Variants in PRIM2 observed in about 807,000 individuals in gnomAD.
PRIM2 encodes DNA primase large subunit.
Under a neutral mutation model 67.3 loss-of-function variants are expected in PRIM2, and 39 were observed. That is an observed-to-expected ratio of 0.58 (90% CI 0.45 to 0.76). The LOEUF (loss-of-function observed/expected upper bound fraction) is 0.76, where lower values mean the gene tolerates loss of function less well. PRIM2 is among the 30% of genes least tolerant of loss of function. The pLI, the probability that PRIM2 is intolerant of heterozygous loss-of-function variation, is 0.00. For missense variants in PRIM2, 398 were observed against 598.7 expected (o/e 0.66, Z 3.50); for synonymous variants, 143 against 198.7 (o/e 0.72, Z 2.36).
At chr6:57,572,064 C>T (rs1270714235) in intron 10 of PRIM2, among the ~76,000 whole-genome samples, 1 of 152,180 alleles carries the variant, frequency 6.6e-6, no homozygotes, top group Non-Finnish European at 1.5e-5. Context: ...TCTCCAACTA[C>T]AATTTTTAAA....
At chr6:57,637,040 C>T (rs1344027435) in intron 13 of PRIM2, among the ~76,000 whole-genome samples, 4 of 152,138 alleles carry the variant, frequency 2.6e-5, no homozygotes, top group Non-Finnish European at 2.9e-5. Flanking sequence ...CCCTCTGGGA[C>T]GAAGCTTCCA....
At chr6:57,375,898 C>T (rs547447859) in intron 5 of PRIM2, among the ~76,000 whole-genome samples, 34 of 151,700 alleles carry the variant, frequency 2.2e-4, no homozygotes, top group African/African-American at 5.1e-4. Flanking sequence ...ATAGTAAGAC[C>T]GTGTCTCTAT....
intron 7 of PRIM2, among the ~76,000 whole-genome samples, chr6:57,429,658 G>A (rs1771755352): frequency 2.0e-5 from 3 of 152,182 alleles, no homozygotes. Flanking sequence ...GGCTTTTAGG[G>A]TGGGCCCTAA....
intron 7 of PRIM2, among the ~76,000 whole-genome samples, chr6:57,446,563 G>A (rs868215457): frequency 6.6e-5 from 10 of 151,752 alleles, no homozygotes; most frequent in Admixed American, 2.0e-4. Flanking sequence ...ACAGGCACCC[G>A]CCACCATGCC....
the PRIM2 span, among the ~76,000 whole-genome samples, chr6:57,272,835 C>A: frequency 3.9e-5 from 6 of 152,194 alleles, no homozygotes; most frequent in African/African-American, 1.4e-4. Context: ...GTGACAAAAT[C>A]TCTCAGCATT....
At chr6:57,462,474 T>A (rs1211936234) in intron 7 of PRIM2, among the ~76,000 whole-genome samples, 1 of 152,228 alleles carries the variant, frequency 6.6e-6, no homozygotes, top group Non-Finnish European at 1.5e-5. Context: ...TTAATTAGCC[T>A]CTTTGTTACC....
upstream of PRIM2, among the ~76,000 whole-genome samples, chr6:57,317,120 G>C (rs1332795603): frequency 1.3e-5 from 2 of 152,086 alleles, no homozygotes; most frequent in African/African-American, 4.8e-5. Flanking sequence ...CCAAATGGGG[G>C]TAATACGATC....
intron 9 of PRIM2, among the ~76,000 whole-genome samples, chr6:57,533,996 C>T (rs1281915189): frequency 6.6e-6 from 1 of 152,194 alleles, no homozygotes; most frequent in Non-Finnish European, 1.5e-5. Flanking sequence ...TTCTGGACTG[C>T]CTCCTAACTC....
At chr6:57,580,359 T>A (rs1776058793) in intron 10 of PRIM2, among the ~76,000 whole-genome samples, 1 of 152,246 alleles carries the variant, frequency 6.6e-6, no homozygotes, top group Non-Finnish European at 1.5e-5. Flanking sequence ...TTTACCCATC[T>A]TTAGGTTCAT....
At chr6:57,272,224 G>A in the PRIM2 span, among the ~76,000 whole-genome samples, 2 of 152,164 alleles carry the variant, frequency 1.3e-5, no homozygotes, top group East Asian at 3.8e-4. Context: ...TGTTGACAGT[G>A]GGGTGTTAAA....
intron 7 of PRIM2, among the ~76,000 whole-genome samples, chr6:57,503,006 A>G (rs1290409470): frequency 6.6e-6 from 1 of 152,232 alleles, no homozygotes; most frequent in Non-Finnish European, 1.5e-5. Context: ...ACAATTAGAA[A>G]TACAAGACCA....
chr6:57,561,902 A>G (rs1213715378), intron 10 of PRIM2, among the ~76,000 whole-genome samples: 73 of 152,120 alleles, frequency 4.8e-4, no homozygotes, highest in African/African-American at 1.7e-3. Context: ...ATAATTTCTA[A>G]CTTTTTACTT....
intron 13 of PRIM2, among the ~76,000 whole-genome samples, chr6:57,637,165 TCTAA>T (rs1277042859): frequency 3.9e-5 from 6 of 151,976 alleles, no homozygotes; most frequent in Admixed American, 1.3e-4. Flanking sequence ...AGCAGAAGGG[TCTAA>T]CTGTCAGAAG....
intron 7 of PRIM2, among the ~76,000 whole-genome samples, chr6:57,402,892 C>T (rs1336526179): frequency 6.6e-6 from 1 of 152,120 alleles, no homozygotes; most frequent in Admixed American, 6.5e-5. Context: ...AGTAGTTCCT[C>T]TTGCACATAT....
chr6:57,330,128 A>G (rs977066633), intron 5 of PRIM2, among the ~76,000 whole-genome samples: 2 of 152,226 alleles, frequency 1.3e-5, no homozygotes, highest in East Asian at 3.9e-4. Context: ...AAGTCTTCCA[A>G]TCCATGAACA....
At chr6:57,337,698 C>A (rs932561543) in intron 5 of PRIM2, among the ~76,000 whole-genome samples, 1 of 152,014 alleles carries the variant, frequency 6.6e-6, no homozygotes, top group East Asian at 1.9e-4. Flanking sequence ...ATCTCTGGGA[C>A]GCATTCAAAG....
At chr6:57,315,185 A>T (rs2127264203), upstream of PRIM2, among the ~76,000 whole-genome samples, 1 of 152,356 alleles carries the variant, frequency 6.6e-6, no homozygotes, top group South Asian at 2.1e-4. Flanking sequence ...AGAGATGAAC[A>T]AAAGGGCTCA....
At chr6:57,628,426 A>G (rs1776989490) in intron 12 of PRIM2, among the ~76,000 whole-genome samples, 2 of 152,244 alleles carry the variant, frequency 1.3e-5, no homozygotes, top group Non-Finnish European at 2.9e-5. Flanking sequence ...ACAGGCAAAA[A>G]GTACTCTTGC....
chr6:57,307,759 T>C, the PRIM2 span, among the ~76,000 whole-genome samples: 4 of 152,148 alleles, frequency 2.6e-5, no homozygotes, highest in African/African-American at 9.7e-5. Context: ...GGGACACAGG[T>C]GGCCTTGCAG....
Sources: allele counts gnomAD v4.1 joint callset (sites outside exome capture counted in the v4.1 genomes callset), GRCh38; gene constraint gnomAD v4.1.1; transcripts MANE v1.5; gene names NCBI Gene and HGNC (gene_info 2026-07-23, HGNC 2026-07-21).